Variants in PLEKHG6 observed in about 807,000 individuals in gnomAD.
PLEKHG6 encodes pleckstrin homology domain-containing family G member 6.
Under a neutral mutation model 97.5 loss-of-function variants are expected in PLEKHG6, and 91 were observed. The observed-to-expected ratio is 0.93, with a 90% CI of 0.79 to 1.11. PLEKHG6 has a LOEUF of 1.11. Among genes scored for constraint, PLEKHG6 ranks in the 50% most tolerant of loss-of-function variants. The pLI is 0.00. For missense variants in PLEKHG6, 1,044 were observed against 1,031.0 expected (o/e 1.01, Z -0.17); for synonymous variants, 466 against 425.5 (o/e 1.10, Z -1.17).
In PLEKHG6 at chr12:6,316,203, AC is replaced by A; in HGVS notation, c.607-48del. 1 of 1,486,826 alleles carries A rather than the reference AC, an allele frequency of 6.7e-7. No individual in the cohort carries two copies. Among genetic ancestry groups the A allele is most frequent in the Non-Finnish European group, 9.0e-7 (1 of 1,110,542 alleles). 92.1% of individuals were successfully genotyped at this position (1,486,826 alleles called of 1,614,324 possible). A position where few individuals can be genotyped will look rare whatever the true frequency, so the allele number is the denominator to read the frequency against. On this transcript the variant is annotated intron_variant, in intron 6 of 15. Coordinates refer to ENST00000684764, the MANE Select transcript of PLEKHG6 (RefSeq NM_001384598.1). This position sits in a 1 kb window ranked among gnomAD's most constrained non-coding sequence, Gnocchi z 4.1. Reference sequence around the variant, plus strand: ...TCCTCACCTTTCCTCAGCCAGTGCCACCCCTGGGGACCTTCCAAAAGTGTGC... The same window carrying A: ...TCCTCACCTTTCCTCAGCCAGTGCCACCCTGGGGACCTTCCAAAAGTGTGC...
intron 2 of PLEKHG6, chr12:6,312,599 C>T: frequency 1.5e-6 from 2 of 1,305,300 alleles, no homozygotes; most frequent in Non-Finnish European, 1.9e-6. Context: ...AAGCCAGGCC[C>T]TCCGAGGAGT....
chr12:6,315,644 A>G lies in PLEKHG6; in HGVS notation c.550A>G (p.Thr184Ala). 6.3e-7 allele frequency: 1 copy of G among 1,578,948 alleles called. No individual in the cohort carries two copies. The highest frequency in any genetic ancestry group is 1.3e-5 in the African/African-American group (1 of 74,322). The change falls in exon 5 of 16, where the codon ACT becomes GCT. Residue 184 changes from threonine to alanine, a missense_variant. Physicochemically the swap from Thr to Ala is moderately conservative, Grantham distance 58. Coordinates refer to ENST00000684764, the MANE Select transcript of PLEKHG6 (RefSeq NM_001384598.1). This position sits in a 1 kb window ranked among gnomAD's most constrained non-coding sequence, Gnocchi z 4.5. ...CTACGTGAGAAAGCTCAAGATCATGACTGATGTGAGCCCCCCTCAGCCCCA... is the reference window on the plus strand; with the variant it reads ...CTACGTGAGAAAGCTCAAGATCATGGCTGATGTGAGCCCCCCTCAGCCCCA... The part of the protein sequence containing the change: ...LIYVRKLKIM[T>A]DLLAAGLLNL...
rs1338530482 is a variant in PLEKHG6 at position 6,312,448 on chromosome 12, G to A, written c.138+84G>A. ...CTGTGGAGTCTCTGTCCCCTTACAG[G>A]TTCAGAGGTTGAGCTATTCCTGCCC... On this transcript the variant is annotated intron_variant, in intron 2 of 15. Transcript: ENST00000684764. The A allele has an allele frequency of 5.0e-6, 7 of 1,414,034 alleles. No homozygotes were observed. In the African/African-American group the frequency reaches 7.5e-5, roughly 15 times the overall value. 87.6% of individuals were successfully genotyped at this position (1,414,034 alleles called of 1,614,324 possible). A position where few individuals can be genotyped will look rare whatever the true frequency, so the allele number is the denominator to read the frequency against.
rs1947502630 is a variant in PLEKHG6 at position 6,317,315 on chromosome 12, T to C, written c.769T>C (p.Phe257Leu). The C allele has an allele frequency of 1.9e-6, 3 of 1,613,446 alleles. No homozygotes were observed. Among genetic ancestry groups the C allele is most frequent in the Non-Finnish European group, 2.5e-6 (3 of 1,179,590 alleles). The change falls in exon 8 of 16, where the codon TTC becomes CTC. Residue 257 changes from phenylalanine to leucine, a missense_variant. By Grantham distance (22) the Phe-to-Leu change is conservative. Transcript: ENST00000684764. ...TCTGTCTCTCCAGTTTGGCCAGCGG[T>C]TCCACCCCTATGTCCAGTACTGCCT... ...QSGFLTFGQRFHPYVQYCLRV... is the reference protein window; with the variant it reads ...QSGFLTFGQRLHPYVQYCLRV...
Position 6,318,399 on chromosome 12 carries a change from G to A in PLEKHG6, c.1254G>A (p.Val418=), listed in dbSNP as rs1386963882. 2.5e-6 allele frequency: 4 copies of A among 1,610,808 alleles called. No homozygotes were observed. The highest frequency in any genetic ancestry group is 3.4e-6 in the Non-Finnish European group (4 of 1,178,768). ...TGCTGCTGGAGGGGCCTGTGCGAGT[G>A]AAGGAGGGACGAGAAGGGAAGGTGA... ...RQLLLEGPVR[V]KEGREGKLDV... is the part of the protein sequence containing the mutation. Residue 418 remains valine (V), a synonymous_variant, in exon 11 of 16, where the codon GTG becomes GTA. Transcript: ENST00000684764.
In PLEKHG6 at chr12:6,317,673, G is replaced by A; in HGVS notation, c.994G>A (p.Ala332Thr). Residue 332 changes from alanine (A) to threonine (T), a missense_variant, in exon 9 of 16, where the codon GCC becomes ACC. By Grantham distance (58) the Ala-to-Thr change is moderately conservative. Coordinates refer to ENST00000684764, the MANE Select transcript of PLEKHG6 (RefSeq NM_001384598.1). ...GCTCAAGAGGAGCCCCGAGGCACGA[G>A]CCCAAGAGGCCCTGAATGCCATGGT... ...AVLKRSPEAR[A>T]QEALNAMIEA... is the part of the protein sequence containing the mutation. 1.2e-6 allele frequency: 2 copies of A among 1,613,758 alleles called. No homozygotes were observed. The highest frequency in any genetic ancestry group is 8.5e-7 in the Non-Finnish European group (1 of 1,180,024).
intron 3 of PLEKHG6, among the ~76,000 whole-genome samples, chr12:6,314,506 T>C (rs894854738): frequency 1.3e-5 from 2 of 150,814 alleles, no homozygotes; most frequent in Non-Finnish European, 2.9e-5. Flanking sequence ...AAACTCTGTC[T>C]CAAAAGGAAA....
Position 6,315,770 on chromosome 12 carries a change from A to G in PLEKHG6, c.556-99A>G. 2.4e-6 allele frequency: 3 copies of G among 1,238,334 alleles called. No homozygotes were observed. Among genetic ancestry groups the G allele is most frequent in the Non-Finnish European group, 3.4e-6 (3 of 877,702 alleles). 76.7% of individuals were successfully genotyped at this position (1,238,334 alleles called of 1,614,324 possible). A position where few individuals can be genotyped will look rare whatever the true frequency, so the allele number is the denominator to read the frequency against. On this transcript the variant is annotated intron_variant, in intron 5 of 15. Transcript: ENST00000684764. The surrounding 1 kb of genome is among the most constrained non-coding windows in gnomAD (Gnocchi z 4.5). ...AGGATTTCAGGCCAGTCTGGGATGC[A>G]GGGAGATAGGTCAGCAGTACTGAAG...
At position 6,319,002 on chromosome 12, in the gene PLEKHG6, T is replaced by C. The variant is rs376870732; in HGVS notation, c.1418T>C (p.Leu473Pro). Residue 473 changes from leucine to proline, a missense_variant, in exon 13 of 16, where the codon CTG becomes CCG. Transcript: ENST00000684764. ...CQPLRDPNSF[L>P]LIHLTEFQCV... ...TGTCTCCTCCATCCAGACAGCTTCC[T>C]GCTGATCCACCTCACTGAATTCCAG... 82 of 1,613,860 alleles carry C rather than the reference T, an allele frequency of 5.1e-5. No individual in the cohort carries two copies. The highest frequency in any genetic ancestry group is 4.0e-4 in the African/African-American group (30 of 74,944).
At position 6,317,594 on chromosome 12, in the gene PLEKHG6, G is replaced by A; in HGVS notation, c.915G>A (p.Leu305=). ...CTGGGAGGCAGATGCTCTGTGACTT[G>A]CTTATCAAGCCCCACCAGCGCATCA... ...KRSGRQMLCD[L]LIKPHQRITK... The change falls in exon 9 of 16, where the codon TTG becomes TTA. Residue 305 remains leucine (L), a synonymous_variant. Coordinates refer to ENST00000684764, the MANE Select transcript of PLEKHG6 (RefSeq NM_001384598.1). 6.2e-7 allele frequency: 1 copy of A among 1,613,862 alleles called. No individual in the cohort carries two copies. Among genetic ancestry groups the A allele is most frequent in the Non-Finnish European group, 8.5e-7 (1 of 1,180,010 alleles).
chr12:6,313,287 C>G lies in PLEKHG6; in HGVS notation c.139-342C>G, dbSNP rs920486645. 2.0e-5 allele frequency: 23 copies of G among 1,147,176 alleles called. No homozygotes were observed. In the South Asian group the frequency reaches 2.4e-4, roughly 12 times the overall value. The allele number at this position is 1,147,176 out of a possible 1,614,324, so 71.1% of individuals were successfully genotyped here. On this transcript the variant is annotated intron_variant, in intron 2 of 15. Transcript: ENST00000684764. ...TGCACCACGCCTTGTCCATGCACCCCCCATGGTACGGAGAGCAGGAGGCAG... is the reference window on the plus strand; with the variant it reads ...TGCACCACGCCTTGTCCATGCACCCGCCATGGTACGGAGAGCAGGAGGCAG...
At position 6,313,632 on chromosome 12, in the gene PLEKHG6, C is replaced by T; in HGVS notation, c.142C>T (p.Pro48Ser). The T allele has an allele frequency of 6.2e-7, 1 of 1,614,040 alleles. No individual in the cohort carries two copies. The highest frequency in any genetic ancestry group is 8.5e-7 in the Non-Finnish European group (1 of 1,180,000). Reference protein sequence around the residue: ...LYPRGYPVLDPSRRRLQQYVP... With the variant: ...LYPRGYPVLDSSRRRLQQYVP... ...ACTTCCCCTGCTCCTCTCCCAGGAT[C>T]CCAGTCGCCGACGCCTCCAGCAGTA... is the stretch of plus-strand genomic sequence containing the variant. Residue 48 changes from proline (P) to serine (S), a missense_variant, in exon 3 of 16, where the codon CCC (proline) becomes TCC (serine). Transcript: ENST00000684764.
intron 2 of PLEKHG6, among the ~76,000 whole-genome samples, chr12:6,313,383 C>A (rs548407251): frequency 6.6e-6 from 1 of 152,330 alleles, no homozygotes; most frequent in East Asian, 1.9e-4. Flanking sequence ...CCCACTTCTT[C>A]CCCAGGCCCA....
chr12:6,313,270 G>A (rs555087390), intron 2 of PLEKHG6: 239 of 1,298,318 alleles, frequency 1.8e-4, no homozygotes, highest in South Asian at 7.5e-4. Flanking sequence ...TGTGCACCAC[G>A]CCTTGTCCAT....
In PLEKHG6 at chr12:6,319,110, T is replaced by C; in HGVS notation, c.1524+2T>C. On this transcript the variant is annotated splice_donor_variant, in intron 13 of 15. Coordinates refer to ENST00000684764, the MANE Select transcript of PLEKHG6 (RefSeq NM_001384598.1). LOFTEE classifies it high-confidence loss of function. ...CTGGAGAAGACCCAGCAGGCCCAGG[T>C]ATGGGAAAGCCAGCAACGGGGAGGC... The C allele has an allele frequency of 6.3e-7, 1 of 1,598,010 alleles. No individual in the cohort carries two copies. Among genetic ancestry groups the C allele is most frequent in the Non-Finnish European group, 8.6e-7 (1 of 1,168,000 alleles).
At chr12:6,319,163 A>C in intron 13 of PLEKHG6, 55 bp downstream of exon 13, 2 of 1,159,460 alleles carry the variant, frequency 1.7e-6, no homozygotes, top group Non-Finnish European at 2.5e-6. Context: ...GAGCTCAGAA[A>C]TGGGAGCACA....
Position 6,327,845 on chromosome 12 carries a change from C to A in PLEKHG6, c.2262C>A (p.Ala754=). The A allele has an allele frequency of 6.6e-7, 1 of 1,506,078 alleles. No homozygotes were observed. The highest frequency in any genetic ancestry group is 8.9e-7 in the Non-Finnish European group (1 of 1,128,588). 93.3% of individuals were successfully genotyped at this position (1,506,078 alleles called of 1,614,324 possible). Residue 754 remains alanine (A), a synonymous_variant, in exon 15 of 16, where the codon GCC becomes GCA. Transcript: ENST00000684764. ...TGGCCAGCCAAAGGATTGAGGGGGC[C>A]GAGGAGCCCCGGGACAGCAGGCCAC... is the stretch of plus-strand genomic sequence containing the variant. ...EELASQRIEG[A]EEPRDSRPRK... is the part of the protein sequence containing the mutation.
chr12:6,318,526 T>C (rs926747860), intron 11 of PLEKHG6, 106 bp downstream of exon 11: 2 of 1,390,402 alleles, frequency 1.4e-6, no homozygotes, highest in Admixed American at 4.9e-5. Flanking sequence ...GAGGATGTGG[T>C]TCTGGCTAAG....
intron 15 of PLEKHG6, 25 bp downstream of exon 15, chr12:6,327,971 T>C (rs1947930867): frequency 6.6e-7 from 1 of 1,513,364 alleles, no homozygotes; most frequent in Non-Finnish European, 8.9e-7. Context: ...GAAGCTGGCC[T>C]GGGAGGGGGC....
Sources: gnomAD v4.1 joint callset for allele counts (sites outside exome capture counted in the v4.1 genomes callset) on GRCh38, gnomAD v4.1.1 for gene constraint, Gnocchi (gnomAD v3.1) non-coding constraint, MANE v1.5 for transcripts, NCBI Gene and HGNC (gene_info 2026-07-23, HGNC 2026-07-21) for gene names.